SNX19: variants seen among roughly 807,000 people sequenced by gnomAD.
SNX19 encodes the protein sorting nexin-19.
In SNX19, 60 loss-of-function variants were observed where a neutral mutation model predicts 85.2. That is an observed-to-expected ratio of 0.70 (90% CI 0.57 to 0.87). The LOEUF is 0.87. Ranked by LOEUF, SNX19 falls within the 40% of genes least tolerant of loss-of-function variation. SNX19 has a pLI of 0.00. For synonymous variants in SNX19, 520 were observed against 470.0 expected (o/e 1.11, Z -1.38); for missense variants, 1,201 against 1,217.8 (o/e 0.99, Z 0.21).
In SNX19 at chr11:130,911,786, AATTG is replaced by A. The variant is rs1565551742; in HGVS notation, c.1675-19_1675-16del. 4.3e-6 allele frequency: 7 copies of A among 1,611,708 alleles called. No homozygotes were observed. Among genetic ancestry groups the A allele is most frequent in the East Asian group, 2.2e-5 (1 of 44,840 alleles). Reference sequence around the variant, plus strand: ...GCTGTCTCGTACTGTTCAACGAACAAATTGATTGACTCAATCAGCCGGGTTTCAG... The same window carrying A: ...GCTGTCTCGTACTGTTCAACGAACAAATTGACTCAATCAGCCGGGTTTCAG... On this transcript the variant is annotated splice_polypyrimidine_tract_variant and intron_variant, in intron 1 of 10. Coordinates refer to ENST00000265909, the MANE Select transcript of SNX19 (RefSeq NM_014758.3).
chr11:130,897,038 G>A (rs75254146), intron 8 of SNX19, among the ~76,000 whole-genome samples: 2,375 of 152,122 alleles, frequency 0.016, 61 homozygotes, highest in African/African-American at 0.055. Flanking sequence ...TGGACGTTGC[G>A]CCTTGCAGCA....
chr11:130,901,911 A>G (rs1945282872), intron 8 of SNX19: 1 of 152,254 alleles, frequency 6.6e-6, no homozygotes, highest in Non-Finnish European at 1.5e-5. Flanking sequence ...TTTTAAGTGC[A>G]GAATATATGT....
chr11:130,882,808 C>T (rs1943775306), intron 8 of SNX19, among the ~76,000 whole-genome samples: 1 of 152,180 alleles, frequency 6.6e-6, no homozygotes, highest in Non-Finnish European at 1.5e-5. Context: ...GCCATGTATA[C>T]TTCTGCAATT....
rs559333153 is a variant in SNX19, at chr11:130,877,452, C to A, written c.*970G>T. On this transcript the variant is annotated 3_prime_UTR_variant, in exon 11 of 11. Coordinates refer to ENST00000265909, the MANE Select transcript of SNX19 (RefSeq NM_014758.3). ...TTATCTGTTCAGAATAATAAAAGTT[C>A]TCTGTCAAAGACTTAGGAAGGGAGA... The A allele has an allele frequency of 6.6e-6, 1 of 152,280 alleles. No individual in the cohort carries two copies. The highest frequency in any genetic ancestry group is 1.5e-5 in the Non-Finnish European group (1 of 68,020). The allele number at this position is 152,280 out of a possible 1,614,324, so 9.4% of individuals were successfully genotyped here. A position where few individuals can be genotyped will look rare whatever the true frequency, so the allele number is the denominator to read the frequency against.
chr11:130,882,604 AT>A (rs1284851333), intron 8 of SNX19, among the ~76,000 whole-genome samples: 2 of 152,224 alleles, frequency 1.3e-5, no homozygotes, highest in Admixed American at 1.3e-4. Context: ...CGTATTTGTT[AT>A]TATTAGGGCC....
At chr11:130,911,026 C>G (rs919341658) in intron 2 of SNX19, among the ~76,000 whole-genome samples, 1 of 151,982 alleles carries the variant, frequency 6.6e-6, no homozygotes, top group African/African-American at 2.4e-5. Context: ...GAAACCCCAT[C>G]TCTACTAAAA....
chr11:130,905,154 A>G (rs1945566785), intron 7 of SNX19, among the ~76,000 whole-genome samples: 3 of 152,336 alleles, frequency 2.0e-5, no homozygotes, highest in African/African-American at 7.2e-5. Flanking sequence ...ATACTGATTA[A>G]TATCTAGGGC....
intron 8 of SNX19, 171 bp downstream of exon 8, chr11:130,903,084 T>C (rs1945368695): frequency 6.3e-6 from 5 of 790,706 alleles, no homozygotes; most frequent in Non-Finnish European, 7.9e-6. Flanking sequence ...GACAACAAGG[T>C]AGTCAATAAA....
In SNX19 at chr11:130,878,122, G is replaced by A. The variant is rs1417919605; in HGVS notation, c.*300C>T. 2.2e-5 allele frequency: 5 copies of A among 224,894 alleles called. 1 individual carries two copies. The highest frequency in any genetic ancestry group is 1.0e-4 in the Admixed American group (2 of 19,512). The allele number at this position is 224,894 out of a possible 1,614,324, so 13.9% of individuals were successfully genotyped here. On this transcript the variant is annotated 3_prime_UTR_variant, in exon 11 of 11. Transcript: ENST00000265909. ...AATCTCAGGGAGGATGGCAAAAGGA[G>A]AAGCAAAAGGGGTTCATTCCTCTAC... is the stretch of plus-strand genomic sequence containing the variant.
At position 130,876,148 on chromosome 11, in the gene SNX19, A is replaced by C. The variant is rs1037076124; in HGVS notation, c.*2274T>G. 3 of 152,196 alleles carry C rather than the reference A, an allele frequency of 2.0e-5. No homozygotes were observed. Among genetic ancestry groups the C allele is most frequent in the Non-Finnish European group, 2.9e-5 (2 of 68,046 alleles). The allele number at this position is 152,196 out of a possible 1,614,324, so 9.4% of individuals were successfully genotyped here. ...AAATTTAGTCACGAGTAAATACAAA[A>C]AACAAGCAAACAATAAAACCTTCCT... On this transcript the variant is annotated 3_prime_UTR_variant, in exon 11 of 11. Coordinates refer to ENST00000265909, the MANE Select transcript of SNX19 (RefSeq NM_014758.3).
rs1397068030 is a variant in SNX19, at chr11:130,911,682, A to C, written c.1764T>G (p.Asn588Lys). 1 of 1,614,028 alleles carries C rather than the reference A, an allele frequency of 6.2e-7. No homozygotes were observed. Among genetic ancestry groups the C allele is most frequent in the Non-Finnish European group, 8.5e-7 (1 of 1,180,050 alleles). ...GTTTCTCCTCCAGACGGGTCTGCAG[A>C]TTCAAGAACTCCCGATAGCGACGAT... ...TVNRRYREFL[N>K]LQTRLEEKPD... The change falls in exon 2 of 11, where the codon AAT becomes AAG. Residue 588 changes from asparagine (N) to lysine (K), a missense_variant. Asn to Lys is a moderately conservative substitution (Grantham distance 94, BLOSUM62 0). Around this residue, in one of 3 missense-constraint regions of SNX19, gnomAD observed 791 missense variants for 750.9 expected, o/e 1.05. Transcript: ENST00000265909.
chr11:130,909,091 G>A (rs1214560278), intron 4 of SNX19, among the ~76,000 whole-genome samples: 1 of 152,198 alleles, frequency 6.6e-6, no homozygotes, highest in Non-Finnish European at 1.5e-5. Context: ...CAGGATCACA[G>A]AACTGTAGTC....
In SNX19 at chr11:130,873,476, G is replaced by A. The variant is rs566540000; in HGVS notation, c.*4946C>T. Among the ~76,000 whole-genome samples, 6 of 152,210 alleles carry A rather than the reference G, an allele frequency of 3.9e-5. No individual in the cohort carries two copies. Among genetic ancestry groups the A allele is most frequent in the East Asian group, 3.9e-4 (2 of 5,158 alleles). On this transcript the variant is annotated 3_prime_UTR_variant, in exon 11 of 11. Coordinates refer to ENST00000265909, the MANE Select transcript of SNX19 (RefSeq NM_014758.3). ...CAGTTTAGTATAGTGGATATACTAC[G>A]TAGACTCAGAGGCAGATTGACATGG...
chr11:130,899,963 T>G (rs1290565374), intron 8 of SNX19, among the ~76,000 whole-genome samples: 3 of 152,168 alleles, frequency 2.0e-5, no homozygotes, highest in Non-Finnish European at 4.4e-5. Flanking sequence ...CTAGGGAAAT[T>G]CAGCTGTAAG....
In SNX19 at chr11:130,914,942, T is replaced by C; in HGVS notation, c.998A>G (p.His333Arg). ...ACCCAAATCTCCCTCTACAGCTTCG[T>C]GGCCTTCTTCAACCTCTGGAGAGGG... ...AGPSPEVEEG[H>R]EAVEGDLGGM... Residue 333 changes from histidine (H) to arginine (R), a missense_variant, in exon 1 of 11, where the codon CAC becomes CGC. By Grantham distance (29) the His-to-Arg change is conservative (BLOSUM62 0). This residue lies in a region of SNX19 where 791 missense variants were observed against 750.9 expected (regional missense o/e 1.05). Transcript: ENST00000265909. 1 of 1,614,214 alleles carries C rather than the reference T, an allele frequency of 6.2e-7. No individual in the cohort carries two copies. Among genetic ancestry groups the C allele is most frequent in the Non-Finnish European group, 8.5e-7 (1 of 1,180,034 alleles).
Position 130,895,079 on chromosome 11 carries a change from GCAGGAGATGCTT to G in SNX19, c.2573+8164_2573+8175del, listed in dbSNP as rs373603548. On this transcript the variant is annotated intron_variant, in intron 8 of 10. Transcript: ENST00000265909. ...GGAAAGAGGTGGAGAAAGTACAACA[GCAGGAGATGCTT>G]CCAGAGAGGGCAGGCTCGGTGGGGC... is the stretch of plus-strand genomic sequence containing the variant. The G allele has an allele frequency of 1.6e-5, 16 of 985,302 alleles. No individual in the cohort carries two copies. In the Admixed American group the frequency reaches 3.1e-4, roughly 19 times the overall value. 61.0% of individuals were successfully genotyped at this position (985,302 alleles called of 1,614,324 possible). A position where few individuals can be genotyped will look rare whatever the true frequency, so the allele number is the denominator to read the frequency against.
At chr11:130,883,898 C>T (rs543410685) in intron 8 of SNX19, among the ~76,000 whole-genome samples, 1 of 152,362 alleles carries the variant, frequency 6.6e-6, no homozygotes, top group Non-Finnish European at 1.5e-5. Context: ...ACTGCCCTCA[C>T]ACAATACAAT....
chr11:130,907,490 T>G (rs999634144), intron 5 of SNX19, among the ~76,000 whole-genome samples: 8 of 152,170 alleles, frequency 5.3e-5, no homozygotes, highest in Admixed American at 1.3e-4. Flanking sequence ...GTAGCAGTAG[T>G]CAACCAGTTA....
intron 1 of SNX19, among the ~76,000 whole-genome samples, chr11:130,913,082 T>A (rs1361270084): frequency 6.6e-6 from 1 of 152,034 alleles, no homozygotes; most frequent in Non-Finnish European, 1.5e-5. Context: ...AAAGAACAAA[T>A]AATGGGAGAA....
Sources: allele counts gnomAD v4.1 joint callset (sites outside exome capture counted in the v4.1 genomes callset), GRCh38; gene constraint gnomAD v4.1.1; regional missense constraint gnomAD v4.1.1; transcripts MANE v1.5; gene names NCBI Gene and HGNC (gene_info 2026-07-23, HGNC 2026-07-21).